Variants in ITGA9 observed in about 807,000 individuals in gnomAD.
ITGA9 encodes integrin subunit alpha 9.
Under a neutral mutation model 127.8 loss-of-function variants are expected in ITGA9, and 56 were observed. The ratio of observed to expected loss-of-function variants is 0.44; its 90% CI spans 0.35 to 0.55. ITGA9 has a LOEUF of 0.55. ITGA9 is among the 20% of genes least tolerant of loss of function. The probability of loss-of-function intolerance (pLI) is 0.00; values close to 1 mark genes in which losing one functional copy is unlikely to be tolerated. For missense variants in ITGA9, 1,196 were observed against 1,347.1 expected (o/e 0.89, Z 1.76); for synonymous variants, 508 against 514.5 (o/e 0.99, Z 0.17).
At chr3:37,578,153 G>A (rs1396906125) in intron 15 of ITGA9, among the ~76,000 whole-genome samples, 2 of 152,178 alleles carry the variant, frequency 1.3e-5, no homozygotes, top group Admixed American at 1.3e-4. Context: ...GTTCAATGAG[G>A]GGAAGACACT....
At chr3:37,540,270 C>T (rs1699252308) in intron 14 of ITGA9, among the ~76,000 whole-genome samples, 2 of 152,226 alleles carry the variant, frequency 1.3e-5, no homozygotes, top group African/African-American at 4.8e-5. Flanking sequence ...CAGCAGCTGC[C>T]TCCACCACAT....
At chr3:37,753,558 G>C (rs916551654) in intron 23 of ITGA9, 4 of 152,190 alleles carry the variant, frequency 2.6e-5, no homozygotes, top group Non-Finnish European at 5.9e-5. Flanking sequence ...GCTACACCCG[G>C]TTCTCCATTC....
intron 18 of ITGA9, among the ~76,000 whole-genome samples, chr3:37,717,880 G>A (rs548618122): frequency 5.3e-5 from 8 of 152,234 alleles, no homozygotes; most frequent in African/African-American, 1.9e-4. Flanking sequence ...TTAGTTAGTT[G>A]AAAGGTAAAA....
At chr3:37,588,500 G>T (rs1699782066) in intron 15 of ITGA9, among the ~76,000 whole-genome samples, 3 of 152,240 alleles carry the variant, frequency 2.0e-5, no homozygotes, top group South Asian at 4.1e-4. Context: ...AAACCCTGGA[G>T]TAGAGCCCAA....
At chr3:37,781,211 T>C (rs575211426) in intron 25 of ITGA9, among the ~76,000 whole-genome samples, 3 of 152,356 alleles carry the variant, frequency 2.0e-5, no homozygotes, top group Admixed American at 2.0e-4. Flanking sequence ...AGCACCCAGG[T>C]GATGCCAGTC....
intron 18 of ITGA9, among the ~76,000 whole-genome samples, chr3:37,730,004 T>TA (rs769026925): frequency 6.6e-6 from 1 of 152,202 alleles, no homozygotes; most frequent in Non-Finnish European, 1.5e-5. Context: ...GCCCAGCCAA[T>TA]AAATCTTTAC....
chr3:37,744,231 G>A (rs980820030), intron 22 of ITGA9, among the ~76,000 whole-genome samples, 197 bp downstream of exon 22: 1 of 152,176 alleles, frequency 6.6e-6, no homozygotes, highest in South Asian at 2.1e-4. Context: ...AGGCCCCTCT[G>A]CTTTTTCAGG....
At chr3:37,494,750 G>C (rs953755290) in intron 5 of ITGA9, among the ~76,000 whole-genome samples, 182 bp downstream of exon 5, 41 of 152,252 alleles carry the variant, frequency 2.7e-4, no homozygotes, top group Non-Finnish European at 8.8e-5. Flanking sequence ...GCACCAGCTG[G>C]CCAGAGACCA....
At chr3:37,712,100 G>A (rs1336276850) in intron 18 of ITGA9, among the ~76,000 whole-genome samples, 2 of 152,148 alleles carry the variant, frequency 1.3e-5, no homozygotes, top group Non-Finnish European at 2.9e-5. Context: ...GAATGTGCCA[G>A]GGAGGGGAGG....
chr3:37,802,709 A>C (rs147069132), intron 26 of ITGA9, among the ~76,000 whole-genome samples: 3 of 152,210 alleles, frequency 2.0e-5, no homozygotes, highest in Non-Finnish European at 4.4e-5. Context: ...AGAAGTGAGC[A>C]CTGATACATG....
At chr3:37,696,951 C>A (rs1455252702) in intron 18 of ITGA9, among the ~76,000 whole-genome samples, 2 of 152,026 alleles carry the variant, frequency 1.3e-5, no homozygotes, top group African/African-American at 4.8e-5. Flanking sequence ...TTAACAAGAT[C>A]GTTGGGTATC....
At chr3:37,591,180 G>C (rs1371861967) in intron 15 of ITGA9, among the ~76,000 whole-genome samples, 1 of 152,198 alleles carries the variant, frequency 6.6e-6, no homozygotes, top group Non-Finnish European at 1.5e-5. Flanking sequence ...ATCTGGGAAG[G>C]ATCCCTTTCT....
intron 15 of ITGA9, among the ~76,000 whole-genome samples, chr3:37,599,933 G>A (rs1026585807): frequency 1.3e-4 from 20 of 152,102 alleles, no homozygotes; most frequent in African/African-American, 3.9e-4. Context: ...CTCTGTAATG[G>A]TATAATATGA....
intron 18 of ITGA9, among the ~76,000 whole-genome samples, chr3:37,718,243 A>G (rs547376952): frequency 6.6e-5 from 10 of 152,350 alleles, no homozygotes; most frequent in Admixed American, 6.5e-4. Context: ...GCTGTTTCCC[A>G]TTTGAGACAA....
chr3:37,585,655 A>G (rs779811864), intron 15 of ITGA9: 1 of 515,876 alleles, frequency 1.9e-6, no homozygotes, highest in South Asian at 1.4e-5. Context: ...GTTTGTGGCT[A>G]AAGAAGTCTC....
At chr3:37,706,906 A>G (rs1701011807) in intron 18 of ITGA9, among the ~76,000 whole-genome samples, 1 of 152,302 alleles carries the variant, frequency 6.6e-6, no homozygotes, top group East Asian at 1.9e-4. Flanking sequence ...GCTCAAAGAA[A>G]AGACAGTCTA....
intron 8 of ITGA9, among the ~76,000 whole-genome samples, chr3:37,511,974 T>C (rs1193658130): frequency 7.1e-5 from 1 of 14,050 alleles, no homozygotes; most frequent in Non-Finnish European, 2.2e-4. Context: ...CTTTCTTTTC[T>C]TTTCTTTTCT....
At chr3:37,775,258 G>C (rs1696892548) in intron 23 of ITGA9, among the ~76,000 whole-genome samples, 1 of 152,170 alleles carries the variant, frequency 6.6e-6, no homozygotes, top group Admixed American at 6.5e-5. Context: ...CAACAAGCAT[G>C]TGAAAAACTC....
At chr3:37,495,035 A>G (rs267520) in intron 5 of ITGA9, among the ~76,000 whole-genome samples, 88,274 of 151,968 alleles carry the variant, frequency 0.58, 26,018 homozygotes, top group East Asian at 0.83. Flanking sequence ...GTGCAGTGGC[A>G]TGATCTCGGC....
Sources: allele counts gnomAD v4.1 joint callset (sites outside exome capture counted in the v4.1 genomes callset), GRCh38; gene constraint gnomAD v4.1.1; transcripts MANE v1.5; gene names NCBI Gene and HGNC (gene_info 2026-07-23, HGNC 2026-07-21).